PLD5: variants seen among roughly 807,000 people sequenced by gnomAD.
PLD5 encodes inactive phospholipase D5.
PLD5 carries 36 observed loss-of-function variants against 61.1 expected under a neutral mutation model. That is an observed-to-expected ratio of 0.59 (90% confidence interval 0.45 to 0.78). The LOEUF (loss-of-function observed/expected upper bound fraction) is 0.78. PLD5 is among the 30% of genes least tolerant of loss of function. The pLI, the probability that PLD5 is intolerant of heterozygous loss-of-function variation, is 0.00. For synonymous variants in PLD5, 243 were observed against 242.8 expected, an observed-to-expected ratio of 1.00 and a Z score of -0.01; for missense variants, 515 against 644.4, an observed-to-expected ratio of 0.80 and a Z score of 2.17.
intron 4 of PLD5, among the ~76,000 whole-genome samples, chr1:242,242,006 T>TAGACAC (rs1558388065): frequency 8.0e-6 from 1 of 125,108 alleles, no homozygotes; most frequent in African/African-American, 3.2e-5. Context: ...TATATATATA[T>TAGACAC]ATATAGACAC....
intron 1 of PLD5, among the ~76,000 whole-genome samples, chr1:242,423,944 A>G (rs908862400): frequency 1.3e-5 from 2 of 152,346 alleles, no homozygotes; most frequent in Non-Finnish European, 2.9e-5. Context: ...TCATGCAAGT[A>G]TAGTTTACCT....
At chr1:242,127,504 C>T (rs1208608098) in intron 5 of PLD5, among the ~76,000 whole-genome samples, 2 of 152,120 alleles carry the variant, frequency 1.3e-5, no homozygotes, top group Admixed American at 6.5e-5. Flanking sequence ...GCATTCACAG[C>T]AACCTGGATG....
chr1:242,194,465 C>A (rs983451845), intron 5 of PLD5, among the ~76,000 whole-genome samples: 1 of 152,182 alleles, frequency 6.6e-6, no homozygotes, highest in Non-Finnish European at 1.5e-5. Flanking sequence ...AAGATACTCA[C>A]ACATACATGT....
chr1:242,094,447 T>C (rs1327242923), intron 9 of PLD5, among the ~76,000 whole-genome samples: 1 of 152,204 alleles, frequency 6.6e-6, no homozygotes, highest in African/African-American at 2.4e-5. Context: ...GAGCAGTGAT[T>C]CCATGCAAGG....
At chr1:242,435,076 C>A (rs1394061) in intron 1 of PLD5, among the ~76,000 whole-genome samples, 39,944 of 151,628 alleles carry the variant, frequency 0.26, 6,634 homozygotes, top group African/African-American at 0.47. Flanking sequence ...GCACAGTAAG[C>A]TGTTCATATT....
intron 1 of PLD5, among the ~76,000 whole-genome samples, chr1:242,504,824 C>T (rs951624133): frequency 1.3e-5 from 2 of 152,072 alleles, no homozygotes; most frequent in African/African-American, 4.8e-5. Flanking sequence ...TTTTCTTGCA[C>T]ATCATAACTC....
chr1:242,418,938 G>A (rs1664976025), intron 1 of PLD5, among the ~76,000 whole-genome samples: 2 of 152,192 alleles, frequency 1.3e-5, no homozygotes, highest in South Asian at 2.1e-4. Flanking sequence ...TGTGATCTAC[G>A]TATTATCTAA....
intron 4 of PLD5, among the ~76,000 whole-genome samples, chr1:242,251,353 T>A (rs1282890698): frequency 6.6e-6 from 1 of 151,824 alleles, no homozygotes; most frequent in Non-Finnish European, 1.5e-5. Context: ...CAAAAGAGAC[T>A]GAGAAAGCGT....
chr1:242,523,997 C>T (rs1669361641), intron 1 of PLD5, 91 bp downstream of exon 1: 1 of 1,371,678 alleles, frequency 7.3e-7, no homozygotes, highest in Non-Finnish European at 9.6e-7. Flanking sequence ...TCGCCTGCCC[C>T]CCGCGCCCCG....
intron 1 of PLD5, among the ~76,000 whole-genome samples, chr1:242,478,021 G>A (rs1030380867): frequency 7.9e-5 from 12 of 152,202 alleles, no homozygotes; most frequent in Admixed American, 1.3e-4. Flanking sequence ...AGCCAGTGAA[G>A]TACAGGAACA....
At chr1:242,100,803 G>C in intron 8 of PLD5, 21 bp from the exon 9 acceptor site, 3 of 1,489,416 alleles carry the variant, frequency 2.0e-6, no homozygotes, top group Non-Finnish European at 2.8e-6. Flanking sequence ...AAAAAAAAGG[G>C]GGCAGGTAAA....
At chr1:242,388,487 G>C (rs1415093402) in intron 1 of PLD5, among the ~76,000 whole-genome samples, 2 of 152,186 alleles carry the variant, frequency 1.3e-5, no homozygotes, top group Non-Finnish European at 2.9e-5. Context: ...GGCAAAGTAG[G>C]AACAGAAGAC....
intron 1 of PLD5, among the ~76,000 whole-genome samples, chr1:242,446,547 G>A (rs1046814011): frequency 2.6e-5 from 4 of 152,098 alleles, no homozygotes; most frequent in African/African-American, 4.8e-5. Context: ...CTTCAGCCTG[G>A]GTGGCCTGAG....
intron 1 of PLD5, among the ~76,000 whole-genome samples, chr1:242,419,539 G>A (rs1038741453): frequency 1.3e-5 from 2 of 148,650 alleles, no homozygotes; most frequent in African/African-American, 5.0e-5. Context: ...GGGACTACAG[G>A]CGCACACCAC....
At chr1:242,180,640 C>T (rs1323068251) in intron 5 of PLD5, among the ~76,000 whole-genome samples, 1 of 152,196 alleles carries the variant, frequency 6.6e-6, no homozygotes, top group Non-Finnish European at 1.5e-5. Context: ...AACTAAATTT[C>T]TGGCTCCAGA....
chr1:242,325,929 C>A (rs1469885736), intron 2 of PLD5, among the ~76,000 whole-genome samples: 1 of 151,916 alleles, frequency 6.6e-6, no homozygotes, highest in Non-Finnish European at 1.5e-5. Flanking sequence ...ACTCTGTCAC[C>A]CAGCCTGTAG....
At position 242,394,726 on chromosome 1, in the gene PLD5, ACATATATGTG is replaced by A. The variant is rs1558526909; in HGVS notation, c.190-46494_190-46485del. On this transcript the variant is annotated intron_variant, in intron 1 of 9. Transcript: ENST00000536534. The stretch of plus-strand genomic sequence containing the variant: ...TGAACATATATGTGTATATATGTGA[ACATATATGTG>A]TATATATGTGAACATATATGTGTAT... Among the ~76,000 whole-genome samples, 32 of 49,158 alleles carry A rather than the reference ACATATATGTG, an allele frequency of 6.5e-4. 8 individuals carry two copies. Among genetic ancestry groups the A allele is most frequent in the Non-Finnish European group, 8.2e-4 (23 of 28,190 alleles). 32.2% of individuals were successfully genotyped at this position (49,158 alleles called of 152,430 possible). A position where few individuals can be genotyped will look rare whatever the true frequency, so the allele number is the denominator to read the frequency against.
intron 1 of PLD5, chr1:242,377,288 G>A: frequency 6.2e-7 from 1 of 1,608,048 alleles, no homozygotes; most frequent in South Asian, 1.1e-5. Flanking sequence ...CAGTGGTGAA[G>A]CCACACACGG....
intron 1 of PLD5, among the ~76,000 whole-genome samples, chr1:242,458,753 T>C (rs797016591): frequency 3.3e-5 from 5 of 152,372 alleles, no homozygotes; most frequent in African/African-American, 1.2e-4. Context: ...CTTGTATACT[T>C]GTATTGACTC....
Sources: allele counts gnomAD v4.1 joint callset (sites outside exome capture counted in the v4.1 genomes callset), GRCh38; gene constraint gnomAD v4.1.1; transcripts MANE v1.5; gene names NCBI Gene and HGNC (gene_info 2026-07-23, HGNC 2026-07-21).